Variants in CENPC observed in about 807,000 individuals in gnomAD.
The protein encoded by CENPC is centromere protein C.
In CENPC, 63 loss-of-function variants were observed where a neutral mutation model predicts 112.1. The ratio of observed to expected loss-of-function variants is 0.56; its 90% confidence interval spans 0.46 to 0.69. The LOEUF is 0.69. CENPC is among the 30% of genes least tolerant of loss of function. The probability of loss-of-function intolerance (pLI) is 0.00; values close to 1 mark genes in which losing one functional copy is unlikely to be tolerated. For synonymous variants in CENPC, 333 were observed against 367.6 expected, an observed-to-expected ratio of 0.91 and a Z score of 1.08; for missense variants, 1,000 against 1,103.8, an observed-to-expected ratio of 0.91 and a Z score of 1.33.
At chr4:67,504,394 TAA>T (rs1467163960) in intron 12 of CENPC, among the ~76,000 whole-genome samples, 1 of 151,940 alleles carries the variant, frequency 6.6e-6, no homozygotes, top group East Asian at 1.9e-4. Flanking sequence ...GGGGAAAAAT[TAA>T]AAAGTTAAAA....
intron 13 of CENPC, 106 bp downstream of exon 13, chr4:67,495,053 C>A: frequency 9.3e-7 from 1 of 1,079,844 alleles, no homozygotes; most frequent in South Asian, 1.9e-5. Context: ...CCAATTAATC[C>A]ACATAATCGT....
chr4:67,519,109 A>C, intron 6 of CENPC, 108 bp downstream of exon 6: 9 of 763,140 alleles, frequency 1.2e-5, no homozygotes, highest in African/African-American at 1.8e-5. Flanking sequence ...ACATGTTAAT[A>C]TTCCTCCTTC....
At chr4:67,523,583 T>C (rs555020213) in intron 5 of CENPC, among the ~76,000 whole-genome samples, 1 of 152,300 alleles carries the variant, frequency 6.6e-6, no homozygotes, top group African/African-American at 2.4e-5. Context: ...GAGACATCAA[T>C]ATGAACTTAT....
At chr4:67,484,237 A>G (rs1444239646) in intron 17 of CENPC, among the ~76,000 whole-genome samples, 5 of 152,270 alleles carry the variant, frequency 3.3e-5, no homozygotes, top group South Asian at 2.1e-4. Context: ...TTTGAAGTAC[A>G]GAAGCAACAG....
intron 17 of CENPC, among the ~76,000 whole-genome samples, chr4:67,484,701 A>C (rs769837549): frequency 2.6e-5 from 4 of 152,184 alleles, no homozygotes; most frequent in Non-Finnish European, 4.4e-5. Context: ...GTAATACAGG[A>C]AGAGATTTCT....
At chr4:67,540,470 AC>A (rs1164604948) in intron 3 of CENPC, among the ~76,000 whole-genome samples, 1 of 152,144 alleles carries the variant, frequency 6.6e-6, no homozygotes, top group African/African-American at 2.4e-5. Flanking sequence ...GGAGTTCGAG[AC>A]CAGACTAGCC....
In CENPC at chr4:67,518,281, T is replaced by C. The variant is rs1468513897; in HGVS notation, c.705A>G (p.Gln235=). The change falls in exon 7 of 19, where the codon CAA becomes CAG. Residue 235 remains glutamine, a synonymous_variant. Coordinates refer to ENST00000273853, the MANE Select transcript of CENPC (RefSeq NM_001812.4). ...SDEEDKTSEG[Q]ERKPSGSSQN... is the part of the protein sequence containing the mutation. ...GAGATGATCCTGATGGTTTTCTTTC[T>C]TGTCCTTCCGATGTTTTATCCTCTT... The C allele has an allele frequency of 1.9e-6, 3 of 1,559,158 alleles. No individual in the cohort carries two copies. The highest frequency in any genetic ancestry group is 2.6e-6 in the Non-Finnish European group (3 of 1,151,946).
rs1314063106 is a variant in CENPC, at chr4:67,537,146, T to C, written c.231+2694A>G. Among the ~76,000 whole-genome samples the C allele has an allele frequency of 3.3e-5, 5 of 151,646 alleles. No homozygotes were observed. The East Asian group carries it at 7.7e-4, about 23-fold the overall frequency. On this transcript the variant is annotated intron_variant, in intron 4 of 18. Transcript: ENST00000273853. Reference sequence around the variant, plus strand: ...GGAAAAAGACATGACAAAACAACATTATCCAAATAAACTGGAAAATTTAAA... The same window carrying C: ...GGAAAAAGACATGACAAAACAACATCATCCAAATAAACTGGAAAATTTAAA...
At chr4:67,537,817 T>TAATA (rs770576824) in intron 4 of CENPC, among the ~76,000 whole-genome samples, 34 of 151,582 alleles carry the variant, frequency 2.2e-4, no homozygotes, top group Non-Finnish European at 3.4e-4. Context: ...GATAGAGAAA[T>TAATA]AATAAATAAA....
At chr4:67,538,638 G>A (rs1228195796) in intron 4 of CENPC, among the ~76,000 whole-genome samples, 1 of 152,190 alleles carries the variant, frequency 6.6e-6, no homozygotes, top group Non-Finnish European at 1.5e-5. Context: ...GTTACATAGA[G>A]AAAACTGCAG....
Position 67,490,006 on chromosome 4 carries a change from T to C in CENPC, c.2631A>G (p.Gln877=), listed in dbSNP as rs1160510718. 3 of 1,598,108 alleles carry C rather than the reference T, an allele frequency of 1.9e-6. No individual in the cohort carries two copies. The highest frequency in any genetic ancestry group is 2.7e-5 in the African/African-American group (2 of 74,466). ...FSTGKLILGP[Q]EEKGKQHVGQ... is the part of the protein sequence containing the mutation. ...CAACATGCTGCTTTCCCTTTTCTTCTTGTGGTCCTAATATCAATTTCCCAG... is the reference window on the plus strand; with the variant it reads ...CAACATGCTGCTTTCCCTTTTCTTCCTGTGGTCCTAATATCAATTTCCCAG... The change falls in exon 17 of 19, where the codon CAA becomes CAG. Residue 877 remains glutamine, a synonymous_variant. Coordinates refer to ENST00000273853, the MANE Select transcript of CENPC (RefSeq NM_001812.4).
intron 5 of CENPC, among the ~76,000 whole-genome samples, chr4:67,522,893 G>A (rs1726268265): frequency 6.6e-6 from 1 of 152,034 alleles, no homozygotes; most frequent in African/African-American, 2.4e-5. Flanking sequence ...CCAGCTACTT[G>A]GGAGGCTGAG....
At chr4:67,490,822 C>T (rs1725228034) in intron 16 of CENPC, among the ~76,000 whole-genome samples, 1 of 135,672 alleles carries the variant, frequency 7.4e-6, no homozygotes, top group African/African-American at 2.8e-5. Context: ...CTACAGACTA[C>T]ATGATATAGA....
At chr4:67,489,865 C>T (rs1405717045) in intron 17 of CENPC, 102 bp downstream of exon 17, 24 of 1,015,236 alleles carry the variant, frequency 2.4e-5, no homozygotes, top group East Asian at 8.0e-5. Context: ...GTGTAGTAAT[C>T]GAATTTCATT....
chr4:67,499,803 T>G (rs765490375), intron 12 of CENPC, among the ~76,000 whole-genome samples: 5 of 152,226 alleles, frequency 3.3e-5, no homozygotes. Flanking sequence ...CCTTCCTCAC[T>G]AAGCTTAATC....
chr4:67,508,835 T>A lies in CENPC; in HGVS notation c.1883A>T (p.Lys628Met). 1 of 1,613,276 alleles carries A rather than the reference T, an allele frequency of 6.2e-7. No individual in the cohort carries two copies. The highest frequency in any genetic ancestry group is 1.1e-5 in the South Asian group (1 of 91,038). ...LESDEADLAKKKNLDCSRSTR... is the reference protein window; with the variant it reads ...LESDEADLAKMKNLDCSRSTR... ...TTACCTAGAACAATCAAGATTTTTC[T>A]TCTTAGCCAAGTCTGCCTCATCACT... The change falls in exon 10 of 19, where the codon AAG becomes ATG. Residue 628 changes from lysine (K) to methionine (M), a missense_variant. By Grantham distance (95) the Lys-to-Met change is moderately conservative (BLOSUM62 -1). Coordinates refer to ENST00000273853, the MANE Select transcript of CENPC (RefSeq NM_001812.4).
At position 67,518,571 on chromosome 4, in the gene CENPC, GA is replaced by G. The variant is rs562870331; in HGVS notation, c.618-204del. On this transcript the variant is annotated intron_variant, in intron 6 of 18. Transcript: ENST00000273853. ...AAATTAACTTTTGTATTTATCAATAGAAAAACATGAAAGAGAAAATAATGGC... is the reference window on the plus strand; with the variant it reads ...AAATTAACTTTTGTATTTATCAATAGAAAACATGAAAGAGAAAATAATGGC... 2.9e-4 allele frequency among the ~76,000 whole-genome samples: 44 copies of G among 152,200 alleles called. No individual in the cohort carries two copies. In the South Asian group the frequency reaches 7.7e-3, roughly 27 times the overall value.
chr4:67,489,112 T>G (rs1484719551), intron 17 of CENPC, among the ~76,000 whole-genome samples: 3 of 151,944 alleles, frequency 2.0e-5, no homozygotes, highest in Non-Finnish European at 4.4e-5. Context: ...TCTTAAAATT[T>G]GGTGCTTTTC....
chr4:67,533,406 G>A (rs984651375), intron 4 of CENPC, among the ~76,000 whole-genome samples: 2 of 152,154 alleles, frequency 1.3e-5, no homozygotes, highest in Non-Finnish European at 2.9e-5. Flanking sequence ...GTTTTTATCA[G>A]CAGTGTGAAA....
Sources: gnomAD v4.1 joint callset for allele counts (sites outside exome capture counted in the v4.1 genomes callset) on GRCh38, gnomAD v4.1.1 for gene constraint, MANE v1.5 for transcripts, NCBI Gene and HGNC (gene_info 2026-07-23, HGNC 2026-07-21) for gene names.